GTF2F2: variants seen among roughly 807,000 people sequenced by gnomAD.
The protein encoded by GTF2F2 is general transcription factor IIF subunit 2.
GTF2F2 carries 23 observed loss-of-function variants against 42.2 expected under a neutral mutation model. The observed-to-expected ratio is 0.55, with a 90% CI of 0.39 to 0.77. The LOEUF is 0.77. GTF2F2 is among the 30% of genes least tolerant of loss of function. GTF2F2 has a pLI of 0.00. For synonymous variants in GTF2F2, 105 were observed against 100.8 expected, an observed-to-expected ratio of 1.04 and a Z score of -0.25; for missense variants, 261 against 287.2, an observed-to-expected ratio of 0.91 and a Z score of 0.66.
At chr13:45,203,314 G>A (rs1268791193) in intron 4 of GTF2F2, among the ~76,000 whole-genome samples, 1 of 151,496 alleles carries the variant, frequency 6.6e-6, no homozygotes, top group African/African-American at 2.4e-5. Flanking sequence ...CAAACTCCTG[G>A]CCTCAAGTGA....
At chr13:45,236,768 T>C (rs931918118) in intron 5 of GTF2F2, among the ~76,000 whole-genome samples, 1 of 152,140 alleles carries the variant, frequency 6.6e-6, no homozygotes. Context: ...AATTGTGATA[T>C]GATAAAGAGC....
rs1397788425 is a variant in GTF2F2 at position 45,262,161 on chromosome 13, C to T, written c.487-5072C>T. ...TCAAGGTTAGAAGATCACTTGAAGC[C>T]AGGAGTTTGAGACCAACCTCGGCAG... On this transcript the variant is annotated intron_variant, in intron 6 of 7. Coordinates refer to ENST00000340473, the MANE Select transcript of GTF2F2 (RefSeq NM_004128.3). Among the ~76,000 whole-genome samples the T allele has an allele frequency of 5.9e-5, 9 of 152,194 alleles. 1 individual carries two copies. The highest frequency in any genetic ancestry group is 2.2e-4 in the African/African-American group (9 of 41,542).
At chr13:45,193,762 G>T in intron 4 of GTF2F2, 2 of 1,545,722 alleles carry the variant, frequency 1.3e-6, no homozygotes, top group East Asian at 2.3e-5. Context: ...CTGCATGCTT[G>T]TTGCCTTTGT....
chr13:45,273,655 A>ATTTTTTT (rs773254844), intron 7 of GTF2F2, among the ~76,000 whole-genome samples: 16 of 123,884 alleles, frequency 1.3e-4, no homozygotes, highest in African/African-American at 4.2e-4. Flanking sequence ...GAGTGGTAAA[A>ATTTTTTT]TTTTTTTTTT....
At chr13:45,135,474 G>C (rs1566110338) in intron 1 of GTF2F2, among the ~76,000 whole-genome samples, 1 of 150,776 alleles carries the variant, frequency 6.6e-6, no homozygotes, top group South Asian at 2.1e-4. Flanking sequence ...TGGTCAGGCT[G>C]GTCTTGAACT....
chr13:45,185,569 C>G (rs557839816), intron 4 of GTF2F2, among the ~76,000 whole-genome samples: 1 of 152,014 alleles, frequency 6.6e-6, no homozygotes, highest in African/African-American at 2.4e-5. Context: ...GTGAATATAC[C>G]CAGTAACAAT....
intron 5 of GTF2F2, among the ~76,000 whole-genome samples, chr13:45,209,384 G>A (rs948405032): frequency 2.0e-5 from 3 of 152,180 alleles, no homozygotes; most frequent in Non-Finnish European, 4.4e-5. Context: ...GCCTAACAAT[G>A]TATTTCTCAT....
At chr13:45,262,189 T>C (rs1876369884) in intron 6 of GTF2F2, among the ~76,000 whole-genome samples, 1 of 152,118 alleles carries the variant, frequency 6.6e-6, no homozygotes. Flanking sequence ...CTCGGCAGTA[T>C]AGCCAGACCC....
chr13:45,230,464 T>G (rs1292714244), intron 5 of GTF2F2, among the ~76,000 whole-genome samples: 1 of 152,128 alleles, frequency 6.6e-6, no homozygotes, highest in Non-Finnish European at 1.5e-5. Flanking sequence ...GAGGATACAT[T>G]GAGGTACTTG....
chr13:45,249,573 A>C (rs1875788107), intron 5 of GTF2F2, among the ~76,000 whole-genome samples: 1 of 152,206 alleles, frequency 6.6e-6, no homozygotes, highest in African/African-American at 2.4e-5. Context: ...TGACCAGAAT[A>C]AGCTACCGTT....
At chr13:45,205,926 A>G (rs752290735) in intron 4 of GTF2F2, among the ~76,000 whole-genome samples, 2 of 152,218 alleles carry the variant, frequency 1.3e-5, no homozygotes, top group African/African-American at 2.4e-5. Flanking sequence ...TGTTGTGACG[A>G]CTAAAGAATT....
At position 45,252,910 on chromosome 13, in the gene GTF2F2, A is replaced by T. The variant is rs771970797; in HGVS notation, c.426A>T (p.Ser142=). The T allele has an allele frequency of 2.0e-6, 3 of 1,514,068 alleles. No homozygotes were observed. Among genetic ancestry groups the T allele is most frequent in the Non-Finnish European group, 1.8e-6 (2 of 1,137,766 alleles). The allele number at this position is 1,514,068 out of a possible 1,614,324, so 93.8% of individuals were successfully genotyped here. Residue 142 remains serine, a synonymous_variant, in exon 6 of 8, where the codon TCA becomes TCT. Transcript: ENST00000340473. Reference sequence around the variant, plus strand: ...AGTCTTCCAAACCAGTGAGGCTATCACAACAGCTGGACAAAGTTGTAACAA... The same window carrying T: ...AGTCTTCCAAACCAGTGAGGCTATCTCAACAGCTGGACAAAGTTGTAACAA... The part of the protein sequence containing the change: ...IEESSKPVRL[S]QQLDKVVTTN...
At chr13:45,126,089 G>A (rs1868980617) in intron 1 of GTF2F2, among the ~76,000 whole-genome samples, 1 of 152,110 alleles carries the variant, frequency 6.6e-6, no homozygotes, top group Non-Finnish European at 1.5e-5. Flanking sequence ...TGCCCTCAGT[G>A]CTGAAGGGGG....
chr13:45,198,045 A>T (rs962473668), intron 4 of GTF2F2, among the ~76,000 whole-genome samples: 1 of 152,270 alleles, frequency 6.6e-6, no homozygotes, highest in Non-Finnish European at 1.5e-5. Flanking sequence ...TATTAGAGTT[A>T]GATCACCTCT....
At chr13:45,149,659 G>A in intron 2 of GTF2F2, 111 bp from the exon 3 acceptor site, 3 of 1,107,660 alleles carry the variant, frequency 2.7e-6, no homozygotes, top group Non-Finnish European at 3.7e-6. Context: ...GTTAATCTCT[G>A]TAAATGTAAT....
chr13:45,190,237 CAT>C (rs986655055), intron 4 of GTF2F2, among the ~76,000 whole-genome samples: 2 of 152,188 alleles, frequency 1.3e-5, no homozygotes, highest in African/African-American at 4.8e-5. Context: ...AGCCAACAGA[CAT>C]GTGATTCACC....
chr13:45,205,813 C>T (rs1370526882), intron 4 of GTF2F2, among the ~76,000 whole-genome samples: 5 of 152,018 alleles, frequency 3.3e-5, no homozygotes, highest in African/African-American at 7.2e-5. Flanking sequence ...CCACCGTGGC[C>T]GACCTAGATT....
intron 4 of GTF2F2, among the ~76,000 whole-genome samples, chr13:45,166,582 A>G (rs1871308895): frequency 6.6e-6 from 1 of 152,254 alleles, no homozygotes; most frequent in South Asian, 2.1e-4. Context: ...GATTGCATCA[A>G]GTTAAAGTTA....
intron 4 of GTF2F2, among the ~76,000 whole-genome samples, chr13:45,167,191 T>G (rs1227918404): frequency 6.6e-6 from 1 of 150,718 alleles, no homozygotes; most frequent in Non-Finnish European, 1.5e-5. Flanking sequence ...TAATAAAGGG[T>G]AAAAAGCCCT....
Sources: gnomAD v4.1 joint callset for allele counts (sites outside exome capture counted in the v4.1 genomes callset) on GRCh38, gnomAD v4.1.1 for gene constraint, MANE v1.5 for transcripts, NCBI Gene and HGNC (gene_info 2026-07-23, HGNC 2026-07-21) for gene names.